Variants in HEXA observed in about 807,000 individuals in gnomAD.
HEXA encodes hexosaminidase subunit alpha.
Under a neutral mutation model 73.3 loss-of-function variants are expected in HEXA, and 54 were observed. The ratio of observed to expected loss-of-function variants is 0.74; its 90% CI spans 0.59 to 0.92. The LOEUF (loss-of-function observed/expected upper bound fraction) is 0.92, where lower values mean the gene tolerates loss of function less well. Ranked by LOEUF, HEXA falls within the 40% of genes least tolerant of loss-of-function variation. HEXA has a pLI of 0.00. For synonymous variants in HEXA, 230 were observed against 246.9 expected, an observed-to-expected ratio of 0.93 and a Z score of 0.64; for missense variants, 649 against 653.0, an observed-to-expected ratio of 0.99 and a Z score of 0.07.
At chr15:72,346,426 T>C (rs1357461186) in intron 11 of HEXA, 101 bp from the exon 12 acceptor site, 1 of 1,511,634 alleles carries the variant, frequency 6.6e-7, no homozygotes, top group Admixed American at 1.7e-5. Context: ...CTAAGTTGTT[T>C]CATTTACTAA....
intron 1 of HEXA, among the ~76,000 whole-genome samples, chr15:72,363,192 T>C (rs1204347007): frequency 1.3e-5 from 2 of 152,196 alleles, no homozygotes; most frequent in African/African-American, 2.4e-5. Context: ...CCAAGATATA[T>C]TGTGCATTTA....
At chr15:72,358,681 C>G (rs1340875401) in intron 1 of HEXA, 2 of 152,148 alleles carry the variant, frequency 1.3e-5, no homozygotes, top group African/African-American at 4.8e-5. Context: ...GTCCGAAGTT[C>G]TCTCAGTGAC....
intron 1 of HEXA, among the ~76,000 whole-genome samples, chr15:72,366,965 T>C (rs2088925633): frequency 6.6e-6 from 1 of 151,762 alleles, no homozygotes; most frequent in Non-Finnish European, 1.5e-5. Flanking sequence ...TTTTTTGAGA[T>C]GGAGTTTCAC....
chr15:72,347,968 A>T, intron 9 of HEXA, 80 bp downstream of exon 9: 1 of 1,079,484 alleles, frequency 9.3e-7, no homozygotes, highest in Non-Finnish European at 1.4e-6. Context: ...GTGGCCAAGC[A>T]GGGCCTGACT....
intron 12 of HEXA, chr15:72,345,968 A>G: frequency 1.8e-6 from 1 of 555,790 alleles, no homozygotes; most frequent in Non-Finnish European, 3.2e-6. Context: ...CAACTCACCT[A>G]TGTTCTCCAG....
intron 1 of HEXA, among the ~76,000 whole-genome samples, chr15:72,371,614 G>C (rs200459819): frequency 7.8e-6 from 1 of 128,788 alleles, no homozygotes; most frequent in Non-Finnish European, 1.6e-5. Flanking sequence ...AAAAAAAAAA[G>C]AAAACAAAAC....
At chr15:72,355,122 A>C in intron 3 of HEXA, 1 of 274,790 alleles carries the variant, frequency 3.6e-6, no homozygotes, top group South Asian at 3.9e-5. Flanking sequence ...ACTGCTTCCC[A>C]GAGCCCCTGA....
intron 1 of HEXA, among the ~76,000 whole-genome samples, chr15:72,365,812 G>A (rs80118969): frequency 0.011 from 1,656 of 152,116 alleles, 25 homozygotes; most frequent in African/African-American, 0.038. Context: ...ATATACACAT[G>A]CTTGCTTGTC....
intron 1 of HEXA, chr15:72,369,994 TCAC>T (rs924143925): frequency 6.6e-6 from 1 of 150,674 alleles, no homozygotes; most frequent in African/African-American, 2.4e-5. Context: ...ATTTTTAAAA[TCAC>T]CAAGTTCTTC....
In HEXA at chr15:72,349,253, G is replaced by C; in HGVS notation, c.812C>G (p.Pro271Arg). The change falls in exon 8 of 14, where the codon CCT becomes CGT. Residue 271 changes from proline (P) to arginine (R), a missense_variant. By Grantham distance (103) the Pro-to-Arg change is moderately radical. Transcript: ENST00000268097. ...AGAGTAGCAAGGAGTCAGTAATCCA[G>C]GGATACCTAAGCCAAGAGAAAACCC... is the stretch of plus-strand genomic sequence containing the variant. ...GHTLSWGPGI[P>R]GLLTPCYSGS... The C allele has an allele frequency of 2.5e-6, 4 of 1,613,786 alleles. No individual in the cohort carries two copies. The highest frequency in any genetic ancestry group is 3.4e-6 in the Non-Finnish European group (4 of 1,179,808).
In HEXA at chr15:72,344,042, C is replaced by T. The variant is rs2088579754; in HGVS notation, c.*35G>A. On this transcript the variant is annotated 3_prime_UTR_variant, in exon 14 of 14. Coordinates refer to ENST00000268097, the MANE Select transcript of HEXA (RefSeq NM_000520.6). ...GTGGAAGCCTGGCTCCACTACCATT[C>T]ACCTACAGCCAGCACCCTCCTCGGT... 6.3e-7 allele frequency: 1 copy of T among 1,580,280 alleles called. No individual in the cohort carries two copies. The highest frequency in any genetic ancestry group is 8.7e-7 in the Non-Finnish European group (1 of 1,149,648).
chr15:72,347,840 G>A (rs2088638395), intron 9 of HEXA, 82 bp from the exon 10 acceptor site: 13 of 1,361,706 alleles, frequency 9.5e-6, no homozygotes, highest in Non-Finnish European at 1.4e-5. Context: ...TCTAGGGGTT[G>A]AGCCTGGCCA....
intron 1 of HEXA, chr15:72,370,233 C>A: frequency 6.0e-6 from 1 of 166,074 alleles, no homozygotes; most frequent in Non-Finnish European, 1.3e-5. Flanking sequence ...ATCCTGAGTC[C>A]TCCAATGTAT....
At chr15:72,373,940 A>C (rs2089024319) in intron 1 of HEXA, among the ~76,000 whole-genome samples, 2 of 151,140 alleles carry the variant, frequency 1.3e-5, no homozygotes. Flanking sequence ...CGGAGGCTGC[A>C]GTGAGCCAAG....
intron 1 of HEXA, 96 bp from the exon 2 acceptor site, chr15:72,356,713 G>A: frequency 5.1e-6 from 8 of 1,568,236 alleles, no homozygotes; most frequent in Non-Finnish European, 6.1e-6. Flanking sequence ...TCACACGCCT[G>A]TGGTAAAGGA....
chr15:72,350,334 TA>T (rs1172644124), intron 7 of HEXA, 183 bp downstream of exon 7: 3 of 705,966 alleles, frequency 4.2e-6, no homozygotes, highest in African/African-American at 1.8e-5. Context: ...ATTTTAATAG[TA>T]AGAAGCAGCC....
chr15:72,350,661 C>G lies in HEXA; in HGVS notation c.673-11G>C, dbSNP rs757023807. 2.8e-5 allele frequency: 45 copies of G among 1,613,930 alleles called. No homozygotes were observed. The highest frequency in any genetic ancestry group is 3.6e-5 in the Non-Finnish European group (43 of 1,180,004). On this transcript the variant is annotated splice_polypyrimidine_tract_variant and intron_variant, in intron 6 of 13. Coordinates refer to ENST00000268097, the MANE Select transcript of HEXA (RefSeq NM_000520.6). Reference sequence around the variant, plus strand: ...AGGGTTGTAGGACCCCTGAAAGGCACAAGACACCCTTCAGGTTCACACTTC... The same window carrying G: ...AGGGTTGTAGGACCCCTGAAAGGCAGAAGACACCCTTCAGGTTCACACTTC...
chr15:72,349,728 G>A (rs2088670078), intron 7 of HEXA, among the ~76,000 whole-genome samples: 1 of 152,178 alleles, frequency 6.6e-6, no homozygotes, highest in African/African-American at 2.4e-5. Flanking sequence ...CTGACGCTGA[G>A]GTCACAAGAT....
chr15:72,349,127 G>C lies in HEXA; in HGVS notation c.938C>G (p.Pro313Arg). The change falls in exon 8 of 14, where the codon CCA becomes CGA. Residue 313 changes from proline to arginine, a missense_variant. Transcript: ENST00000268097. ...TFFLEVSSVF[P>R]DFYLHLGGDE... ...TCCTCCAAGATGAAGATAAAAATCT[G>C]GGAAGACAGAGCTGACTTCTAAGAA... 1 of 1,613,984 alleles carries C rather than the reference G, an allele frequency of 6.2e-7. No homozygotes were observed. Among genetic ancestry groups the C allele is most frequent in the Non-Finnish European group, 8.5e-7 (1 of 1,179,900 alleles).
Sources: gnomAD v4.1 joint callset for allele counts (sites outside exome capture counted in the v4.1 genomes callset) on GRCh38, gnomAD v4.1.1 for gene constraint, MANE v1.5 for transcripts, NCBI Gene and HGNC (gene_info 2026-07-23, HGNC 2026-07-21) for gene names.